The following ZNF578 variants were observed in gnomAD, a reference collection of about 807,000 sequenced individuals.
ZNF578 encodes the protein Putative chemokine-related protein B42.
ZNF578 carries 8 observed loss-of-function variants against 8.3 expected under a neutral mutation model. The observed-to-expected ratio is 0.96, with a 90% CI of 0.56 to 1.74. The LOEUF (loss-of-function observed/expected upper bound fraction) is 1.74, where lower values mean the gene tolerates loss of function less well. Ranked by LOEUF, ZNF578 falls within the 40% of genes most tolerant of loss-of-function variation. The pLI, the probability that ZNF578 is intolerant of heterozygous loss-of-function variation, is 0.00. For missense variants in ZNF578, 726 were observed against 707.5 expected (o/e 1.03, Z -0.30); for synonymous variants, 206 against 232.2 (o/e 0.89, Z 1.03).
Position 52,504,640 on chromosome 19 carries a change from T to G in ZNF578, c.64-15T>G. 6.2e-7 allele frequency: 1 copy of G among 1,613,688 alleles called. No individual in the cohort carries two copies. The highest frequency in any genetic ancestry group is 1.1e-5 in the South Asian group (1 of 90,980). ...TCCTCCATAATGTTTTGTTGAAATG[T>G]GTGTTTCATTTTAGGGACGCTTGAC... On this transcript the variant is annotated splice_polypyrimidine_tract_variant and intron_variant, in intron 4 of 5. Transcript: ENST00000421239.
intron 3 of ZNF578, among the ~76,000 whole-genome samples, chr19:52,493,163 C>T (rs1212179546): frequency 6.6e-6 from 1 of 152,152 alleles, no homozygotes; most frequent in Non-Finnish European, 1.5e-5. Flanking sequence ...AGTCCTCACC[C>T]GCGAGGTGGA....
Position 52,516,669 on chromosome 19 carries a change from C to A in ZNF578, c.*4515C>A, listed in dbSNP as rs1220066092. ...CTGATCAATGTGCTTTGTAATCTCC[C>A]CCACCCTTCAGAAGGCTCTTTGTAA... On this transcript the variant is annotated 3_prime_UTR_variant, in exon 6 of 6. Coordinates refer to ENST00000421239, the MANE Select transcript of ZNF578 (RefSeq NM_001099694.2). Among the ~76,000 whole-genome samples, 1 of 152,094 alleles carries A rather than the reference C, an allele frequency of 6.6e-6. No homozygotes were observed. Among genetic ancestry groups the A allele is most frequent in the Non-Finnish European group, 1.5e-5 (1 of 68,018 alleles).
At chr19:52,500,728 G>T (rs2059403874) in intron 3 of ZNF578, among the ~76,000 whole-genome samples, 1 of 151,986 alleles carries the variant, frequency 6.6e-6, no homozygotes, top group Non-Finnish European at 1.5e-5. Flanking sequence ...ACTCAGATAG[G>T]CATGTATGTC....
chr19:52,499,114 C>G (rs929690031), intron 3 of ZNF578, among the ~76,000 whole-genome samples: 7 of 152,154 alleles, frequency 4.6e-5, no homozygotes, highest in African/African-American at 1.4e-4. Flanking sequence ...AAATGTCTCC[C>G]GCTGTGAGCC....
intron 3 of ZNF578, among the ~76,000 whole-genome samples, chr19:52,498,332 T>G (rs1217378719): frequency 5.4e-5 from 2 of 37,238 alleles, no homozygotes; most frequent in South Asian, 8.9e-4. Flanking sequence ...AATGTGTGTT[T>G]TTTTTTTTTT....
intron 3 of ZNF578, among the ~76,000 whole-genome samples, chr19:52,498,806 C>T (rs968019715): frequency 6.6e-6 from 1 of 151,478 alleles, no homozygotes; most frequent in Non-Finnish European, 1.5e-5. Flanking sequence ...CGTCAGCCTC[C>T]CAAGTAGCTG....
rs935287947 is a variant in ZNF578, at chr19:52,516,394, G to A, written c.*4240G>A. On this transcript the variant is annotated 3_prime_UTR_variant, in exon 6 of 6. Transcript: ENST00000421239. ...CAGCATGTGTGTGTGGGCTTCTCCA[G>A]AAGGGGAGCCAGAGTTTCCCTGTAG... is the stretch of plus-strand genomic sequence containing the variant. Among the ~76,000 whole-genome samples the A allele has an allele frequency of 2.6e-5, 4 of 152,210 alleles. No individual in the cohort carries two copies. The highest frequency in any genetic ancestry group is 5.9e-5 in the Non-Finnish European group (4 of 68,044).
chr19:52,482,221 C>G (rs113822069), intron 2 of ZNF578, among the ~76,000 whole-genome samples: 2 of 152,178 alleles, frequency 1.3e-5, no homozygotes, highest in African/African-American at 2.4e-5. Context: ...TTAGTAGAGA[C>G]GGGGTTTCTT....
chr19:52,482,690 G>T (rs1215330953), intron 2 of ZNF578, among the ~76,000 whole-genome samples: 2 of 152,106 alleles, frequency 1.3e-5, no homozygotes, highest in African/African-American at 4.8e-5. Context: ...GCTCATGCCT[G>T]TAATCCCAGC....
rs1441766612 is a variant in ZNF578, at chr19:52,514,955, C to T, written c.*2801C>T. On this transcript the variant is annotated 3_prime_UTR_variant, in exon 6 of 6. Transcript: ENST00000421239. ...GGATTACAGGCATGAGCTACCACGT[C>T]GAGACTCTTTTTTTTTTTTTTTTTT... Among the ~76,000 whole-genome samples the T allele has an allele frequency of 5.0e-5, 7 of 139,146 alleles. No individual in the cohort carries two copies. The highest frequency in any genetic ancestry group is 1.3e-4 in the African/African-American group (5 of 37,216). The allele number at this position is 139,146 out of a possible 152,430, so 91.3% of individuals were successfully genotyped here.
chr19:52,481,961 G>A (rs1452254357), intron 2 of ZNF578, among the ~76,000 whole-genome samples: 1 of 151,904 alleles, frequency 6.6e-6, no homozygotes, highest in East Asian at 1.9e-4. Context: ...TCAAAATCCT[G>A]GGCTCAAAGG....
At chr19:52,461,683 G>T (rs1038000578) in intron 2 of ZNF578, among the ~76,000 whole-genome samples, 1 of 152,150 alleles carries the variant, frequency 6.6e-6, no homozygotes, top group Non-Finnish European at 1.5e-5. Flanking sequence ...GAATATTTCT[G>T]ACCATCAACA....
chr19:52,497,032 A>G (rs568036725), intron 3 of ZNF578, among the ~76,000 whole-genome samples: 3 of 152,202 alleles, frequency 2.0e-5, no homozygotes, highest in Admixed American at 1.3e-4. Flanking sequence ...TCCTGGGCTC[A>G]AGTGATTTTC....
In ZNF578 at chr19:52,515,082, T is replaced by C. The variant is rs1249802553; in HGVS notation, c.*2928T>C. Among the ~76,000 whole-genome samples, 1 of 150,442 alleles carries C rather than the reference T, an allele frequency of 6.6e-6. No individual in the cohort carries two copies. Among genetic ancestry groups the C allele is most frequent in the African/African-American group, 2.4e-5 (1 of 40,932 alleles). Reference sequence around the variant, plus strand: ...GGTTCAAGTGATTTCTCCTGCCTCATCCTACTGAGTAGTTGGGATTACAGG... The same window carrying C: ...GGTTCAAGTGATTTCTCCTGCCTCACCCTACTGAGTAGTTGGGATTACAGG... On this transcript the variant is annotated 3_prime_UTR_variant, in exon 6 of 6. Transcript: ENST00000421239.
At chr19:52,468,235 G>A (rs957510300) in intron 2 of ZNF578, among the ~76,000 whole-genome samples, 2 of 152,086 alleles carry the variant, frequency 1.3e-5, no homozygotes, top group Non-Finnish European at 2.9e-5. Flanking sequence ...TTGGAAAAAT[G>A]CTCTTCTAGT....
intron 3 of ZNF578, among the ~76,000 whole-genome samples, chr19:52,499,964 G>A (rs2059400831): frequency 6.6e-6 from 1 of 151,998 alleles, no homozygotes; most frequent in African/African-American, 2.4e-5. Flanking sequence ...CAGCCCCACG[G>A]GCCGCTTTCC....
Position 52,493,575 on chromosome 19 carries a change from G to A in ZNF578, c.-20+2150G>A, listed in dbSNP as rs564616923. The stretch of plus-strand genomic sequence containing the variant: ...GGGGATCTGGGGTGCTAGAGAGTGG[G>A]GACAGGGGGGTATAACAGGGAAGAG... On this transcript the variant is annotated intron_variant, in intron 3 of 5. Coordinates refer to ENST00000421239, the MANE Select transcript of ZNF578 (RefSeq NM_001099694.2). Among the ~76,000 whole-genome samples the A allele has an allele frequency of 1.2e-4, 19 of 152,228 alleles. No individual in the cohort carries two copies. The East Asian group carries it at 3.1e-3, about 25-fold the overall frequency.
intron 3 of ZNF578, among the ~76,000 whole-genome samples, chr19:52,496,393 A>G (rs369163487): frequency 2.8e-5 from 4 of 145,218 alleles, no homozygotes; most frequent in Non-Finnish European, 4.5e-5. Context: ...GCAGTGGCGC[A>G]ATCTCGGCTC....
Position 52,512,375 on chromosome 19 carries a change from A to G in ZNF578, c.*221A>G. 1 of 1,500,822 alleles carries G rather than the reference A, an allele frequency of 6.7e-7. No homozygotes were observed. Among genetic ancestry groups the G allele is most frequent in the South Asian group, 1.1e-5 (1 of 88,596 alleles). The allele number at this position is 1,500,822 out of a possible 1,614,324, so 93.0% of individuals were successfully genotyped here. ...AATGATTGTCACAAAGTCTTCAGTA[A>G]CGCTACAACGATTGCAAATCATTGG... On this transcript the variant is annotated 3_prime_UTR_variant, in exon 6 of 6. Transcript: ENST00000421239.
Sources: allele counts gnomAD v4.1 joint callset (sites outside exome capture counted in the v4.1 genomes callset), GRCh38; gene constraint gnomAD v4.1.1; transcripts MANE v1.5; gene names NCBI Gene and HGNC (gene_info 2026-07-23, HGNC 2026-07-21).